Variants in KIF13B observed in about 807,000 individuals in gnomAD.
KIF13B encodes the protein kinesin family member 13B, also known as kinesin-like protein KIF13B.
In KIF13B, 127 loss-of-function variants were observed where a neutral mutation model predicts 222.0. The observed-to-expected ratio is 0.57, with a 90% CI of 0.50 to 0.66. The LOEUF (loss-of-function observed/expected upper bound fraction) is 0.66, where lower values mean the gene tolerates loss of function less well. KIF13B is among the 30% of genes least tolerant of loss of function. The pLI is 0.00. For synonymous variants in KIF13B, 976 were observed against 919.0 expected, an observed-to-expected ratio of 1.06 and a Z score of -1.12; for missense variants, 2,173 against 2,379.0, an observed-to-expected ratio of 0.91 and a Z score of 1.80.
chr8:29,170,866 C>A (rs7465524), intron 10 of KIF13B, among the ~76,000 whole-genome samples: 18,077 of 152,150 alleles, frequency 0.12, 1,220 homozygotes, highest in South Asian at 0.15. Context: ...TCACTTGAGT[C>A]CAGAAGTTCA....
At position 29,191,010 on chromosome 8, in the gene KIF13B, T is replaced by C. The variant is rs373571298; in HGVS notation, c.210A>G (p.Lys70=). Residue 70 remains lysine, a synonymous_variant, in exon 4 of 40, where the codon AAA becomes AAG. Transcript: ENST00000524189. The part of the protein sequence containing the change: ...HCFWSMDESV[K]EKYAGQDIVF... ...GGATTCTATTACCTGCATACTTTTC[T>C]TTGACAGATTCATCCATAGACCAGA... 10 of 1,612,818 alleles carry C rather than the reference T, an allele frequency of 6.2e-6. No individual in the cohort carries two copies. The highest frequency in any genetic ancestry group is 7.6e-6 in the Non-Finnish European group (9 of 1,179,068).
intron 17 of KIF13B, 135 bp downstream of exon 17, chr8:29,147,257 G>T: frequency 3.0e-6 from 2 of 672,392 alleles, no homozygotes; most frequent in East Asian, 2.7e-5. Flanking sequence ...AGTGGTTCTT[G>T]GCTGTTAACA....
At chr8:29,103,696 G>A (rs977524616) in intron 35 of KIF13B, among the ~76,000 whole-genome samples, 2 of 151,896 alleles carry the variant, frequency 1.3e-5, no homozygotes, top group African/African-American at 4.8e-5. Context: ...TAGGGGCATC[G>A]ACAAATAGAG....
At chr8:29,182,936 T>G (rs2130292414) in intron 6 of KIF13B, among the ~76,000 whole-genome samples, 1 of 152,180 alleles carries the variant, frequency 6.6e-6, no homozygotes, top group South Asian at 2.1e-4. Flanking sequence ...ATTAGCTTGA[T>G]ATAATCATTC....
rs77427880 is a variant in KIF13B at position 29,171,273 on chromosome 8, G to A, written c.946-3688C>T. Among the ~76,000 whole-genome samples, 485 of 152,262 alleles carry A rather than the reference G, an allele frequency of 3.2e-3. 3 individuals carry two copies. Among genetic ancestry groups the A allele is most frequent in the African/African-American group, 0.011 (458 of 41,534 alleles). On this transcript the variant is annotated intron_variant, in intron 10 of 39. Transcript: ENST00000524189. The stretch of plus-strand genomic sequence containing the variant: ...TCTCCAGTGATGACTCAGCGAATGC[G>A]TAACCCTCATTTAATGGTTGTTCCA...
At chr8:29,073,523 G>A (rs768212882) in intron 38 of KIF13B, among the ~76,000 whole-genome samples, 3 of 152,172 alleles carry the variant, frequency 2.0e-5, no homozygotes, top group Non-Finnish European at 4.4e-5. Flanking sequence ...CACAGTGACC[G>A]AAGAAAAGGA....
At chr8:29,179,038 A>G (rs1812600316) in intron 8 of KIF13B, among the ~76,000 whole-genome samples, 1 of 152,258 alleles carries the variant, frequency 6.6e-6, no homozygotes, top group South Asian at 2.1e-4. Context: ...AAGTGATTTT[A>G]TAGTACAATT....
intron 21 of KIF13B, among the ~76,000 whole-genome samples, chr8:29,139,579 T>G (rs1810715645): frequency 6.6e-6 from 1 of 152,236 alleles, no homozygotes; most frequent in African/African-American, 2.4e-5. Context: ...TCCCGCTACC[T>G]TGTGGCTGAC....
chr8:29,167,150 C>T (rs1812038368), intron 11 of KIF13B, among the ~76,000 whole-genome samples: 1 of 152,198 alleles, frequency 6.6e-6, no homozygotes, highest in Non-Finnish European at 1.5e-5. Context: ...TTTCTCAATT[C>T]TATTTGCTCC....
At chr8:29,262,752 A>T (rs530728705) in intron 1 of KIF13B, among the ~76,000 whole-genome samples, 237 of 118,452 alleles carry the variant, frequency 2.0e-3, no homozygotes, top group African/African-American at 7.5e-3. Context: ...GGCCGGCACG[A>T]GGGGCCCGAC....
chr8:29,194,407 T>C (rs1181446086), intron 3 of KIF13B, among the ~76,000 whole-genome samples: 1 of 152,070 alleles, frequency 6.6e-6, no homozygotes, highest in Non-Finnish European at 1.5e-5. Flanking sequence ...GCTAAGCCTG[T>C]GTGCTCGACA....
chr8:29,156,757 G>C (rs1285352429), intron 13 of KIF13B, among the ~76,000 whole-genome samples: 1 of 150,950 alleles, frequency 6.6e-6, no homozygotes, highest in Non-Finnish European at 1.5e-5. Flanking sequence ...CTGGGCTCAA[G>C]CAATCCTTCC....
At chr8:29,252,490 C>T (rs1211139749) in intron 1 of KIF13B, among the ~76,000 whole-genome samples, 3 of 152,114 alleles carry the variant, frequency 2.0e-5, no homozygotes, top group Non-Finnish European at 4.4e-5. Flanking sequence ...CATAGGTGTA[C>T]CTCCCTTTAT....
chr8:29,146,138 G>A, intron 18 of KIF13B: 1 of 590,736 alleles, frequency 1.7e-6, no homozygotes, highest in Non-Finnish European at 3.0e-6. Context: ...AGAAAGTTGA[G>A]TGAAATGAAC....
At chr8:29,225,220 C>A (rs949957720) in intron 2 of KIF13B, among the ~76,000 whole-genome samples, 12 of 152,178 alleles carry the variant, frequency 7.9e-5, no homozygotes, top group Non-Finnish European at 1.5e-4. Context: ...CGGGAAGGCA[C>A]AGAAGCTTTT....
intron 9 of KIF13B, 46 bp from the exon 10 acceptor site, chr8:29,176,225 C>A: frequency 1.8e-6 from 2 of 1,121,172 alleles, no homozygotes; most frequent in Non-Finnish European, 2.7e-6. Context: ...TGAAATATAT[C>A]AAATGTCACA....
At chr8:29,179,953 G>T in intron 8 of KIF13B, 151 bp downstream of exon 8, 2 of 813,810 alleles carry the variant, frequency 2.5e-6, no homozygotes, top group Non-Finnish European at 3.9e-6. Context: ...CCTTTCTATT[G>T]ACCTAGAGGA....
At chr8:29,195,951 T>C (rs939628675) in intron 3 of KIF13B, among the ~76,000 whole-genome samples, 2 of 152,220 alleles carry the variant, frequency 1.3e-5, no homozygotes, top group African/African-American at 4.8e-5. Flanking sequence ...GGAATCTGTG[T>C]TGTAGCTGCT....
At chr8:29,213,472 G>C (rs1411910729) in intron 2 of KIF13B, among the ~76,000 whole-genome samples, 1 of 152,154 alleles carries the variant, frequency 6.6e-6, no homozygotes. Flanking sequence ...AATATGTTCA[G>C]GAAATGCATT....
Sources: gnomAD v4.1 joint callset for allele counts (sites outside exome capture counted in the v4.1 genomes callset) on GRCh38, gnomAD v4.1.1 for gene constraint, MANE v1.5 for transcripts, NCBI Gene and HGNC (gene_info 2026-07-23, HGNC 2026-07-21) for gene names.